UST: variants seen among roughly 807,000 people sequenced by gnomAD.
The protein encoded by UST is uronyl 2-sulfotransferase, also known as chondroitin sulfate 2-O-sulfotransferase.
In UST, 21 loss-of-function variants were observed where a neutral mutation model predicts 45.6. That is an observed-to-expected ratio of 0.46 (90% confidence interval 0.33 to 0.66). The LOEUF (loss-of-function observed/expected upper bound fraction) is 0.66. Ranked by LOEUF, UST falls within the 30% of genes least tolerant of loss-of-function variation. The pLI is 0.02. For synonymous variants in UST, 215 were observed against 200.6 expected, an observed-to-expected ratio of 1.07 and a Z score of -0.61; for missense variants, 463 against 512.4, an observed-to-expected ratio of 0.90 and a Z score of 0.93.
In UST at chr6:148,882,295, G is replaced by A. The variant is rs538422873; in HGVS notation, c.248-4691G>A. On this transcript the variant is annotated intron_variant, in intron 1 of 7. Coordinates refer to ENST00000367463, the MANE Select transcript of UST (RefSeq NM_005715.3). The stretch of plus-strand genomic sequence containing the variant: ...GAGGTCAGGAGTTTGAGACCAGCCT[G>A]GCCAACATGGTGAAACCCCATCACT... Among the ~76,000 whole-genome samples the A allele has an allele frequency of 2.0e-4, 31 of 152,154 alleles. No individual in the cohort carries two copies. In the South Asian group the frequency reaches 2.3e-3, roughly 11 times the overall value.
chr6:149,045,796 G>A (rs1776386846), intron 7 of UST, among the ~76,000 whole-genome samples: 2 of 152,096 alleles, frequency 1.3e-5, no homozygotes, highest in South Asian at 4.1e-4. Flanking sequence ...ATCTATGTAG[G>A]ATTTTGTGTT....
In UST at chr6:149,043,023, T is replaced by C. The variant is rs576309449; in HGVS notation, c.937+21542T>C. Among the ~76,000 whole-genome samples, 768 of 108,266 alleles carry C rather than the reference T, an allele frequency of 7.1e-3. 1 individual carries two copies. The highest frequency in any genetic ancestry group is 0.031 in the African/African-American group (619 of 20,216). 71.0% of individuals were successfully genotyped at this position (108,266 alleles called of 152,430 possible). A position where few individuals can be genotyped will look rare whatever the true frequency, so the allele number is the denominator to read the frequency against. On this transcript the variant is annotated intron_variant, in intron 7 of 7. Transcript: ENST00000367463. ...TCTTTCTTTCTTTCTTTCTTTCTTT[T>C]TCTTTCTTTCTTTCTTTCTTTCCTT...
chr6:149,002,322 A>G (rs1331481003), intron 5 of UST, among the ~76,000 whole-genome samples: 2 of 152,188 alleles, frequency 1.3e-5, no homozygotes, highest in Non-Finnish European at 2.9e-5. Context: ...TGTAAGGTGC[A>G]GAAATTAAGT....
chr6:149,038,642 T>G (rs545417679), intron 7 of UST, among the ~76,000 whole-genome samples: 1 of 152,332 alleles, frequency 6.6e-6, no homozygotes, highest in South Asian at 2.1e-4. Context: ...CTAATGCAGT[T>G]AGAAGTCCTC....
intron 2 of UST, among the ~76,000 whole-genome samples, chr6:148,887,969 T>A (rs1380916013): frequency 6.6e-6 from 1 of 152,228 alleles, no homozygotes; most frequent in Non-Finnish European, 1.5e-5. Context: ...GAGAAGATAA[T>A]GAACCCCCAA....
At chr6:148,878,318 GC>G in intron 1 of UST, among the ~76,000 whole-genome samples, 1 of 81,116 alleles carries the variant, frequency 1.2e-5, no homozygotes, top group Non-Finnish European at 2.4e-5. Flanking sequence ...ATGTATGAGT[GC>G]GGGGATCGTG....
At chr6:148,938,348 T>C (rs1233477214) in intron 2 of UST, among the ~76,000 whole-genome samples, 1 of 152,098 alleles carries the variant, frequency 6.6e-6, no homozygotes, top group Non-Finnish European at 1.5e-5. Flanking sequence ...AAGAAAAAAA[T>C]ACATAATGGA....
At chr6:148,888,111 C>T (rs1177007358) in intron 2 of UST, among the ~76,000 whole-genome samples, 2 of 152,166 alleles carry the variant, frequency 1.3e-5, no homozygotes, top group Non-Finnish European at 2.9e-5. Context: ...ATCTACTCAG[C>T]TTCTGGGGAG....
chr6:149,011,866 A>G (rs1255374616), intron 5 of UST, among the ~76,000 whole-genome samples: 1 of 152,098 alleles, frequency 6.6e-6, no homozygotes, highest in African/African-American at 2.4e-5. Flanking sequence ...ATAATTTTAA[A>G]GCCAGTTTGT....
At chr6:149,061,222 G>T (rs936186292) in intron 7 of UST, among the ~76,000 whole-genome samples, 2 of 152,178 alleles carry the variant, frequency 1.3e-5, no homozygotes, top group African/African-American at 4.8e-5. Flanking sequence ...CAGAGCCAGG[G>T]CTACATCGTT....
chr6:149,057,767 A>G (rs941587020), intron 7 of UST, among the ~76,000 whole-genome samples: 3 of 152,254 alleles, frequency 2.0e-5, no homozygotes, highest in African/African-American at 7.2e-5. Context: ...TAAAGATGAT[A>G]AAACTAAATA....
At chr6:148,868,093 C>T (rs1029772097) in intron 1 of UST, among the ~76,000 whole-genome samples, 6 of 152,182 alleles carry the variant, frequency 3.9e-5, no homozygotes, top group African/African-American at 1.4e-4. Context: ...TCTGAGGCCC[C>T]ACTCCATGTC....
intron 1 of UST, among the ~76,000 whole-genome samples, chr6:148,754,162 T>C (rs1776046470): frequency 6.6e-6 from 1 of 151,864 alleles, no homozygotes; most frequent in African/African-American, 2.4e-5. Flanking sequence ...GCCTGGCTAA[T>C]TTTTTTGTAT....
intron 7 of UST, among the ~76,000 whole-genome samples, chr6:149,068,398 TGTGAGG>T (rs1435810055): frequency 6.6e-6 from 1 of 152,148 alleles, no homozygotes; most frequent in Non-Finnish European, 1.5e-5. Flanking sequence ...AAGGGGTTAT[TGTGAGG>T]ATTAAGTATG....
chr6:148,928,407 T>A (rs557276342), intron 2 of UST, among the ~76,000 whole-genome samples: 1 of 152,248 alleles, frequency 6.6e-6, no homozygotes, highest in East Asian at 1.9e-4. Flanking sequence ...TTCTATCAGA[T>A]CACAAAATCC....
intron 7 of UST, among the ~76,000 whole-genome samples, chr6:149,063,576 C>G (rs1456547455): frequency 6.6e-6 from 1 of 152,188 alleles, no homozygotes. Context: ...TAGACTGCTT[C>G]TCGCTAAGGA....
chr6:149,024,644 A>G (rs976018013), intron 7 of UST, among the ~76,000 whole-genome samples: 3 of 152,180 alleles, frequency 2.0e-5, no homozygotes, highest in Admixed American at 6.5e-5. Flanking sequence ...AGTTGGTGTC[A>G]AGTAGGTTAA....
rs933447162 is a variant in UST, at chr6:148,975,648, C to T, written c.681+11085C>T. Among the ~76,000 whole-genome samples the T allele has an allele frequency of 3.3e-5, 5 of 152,018 alleles. No individual in the cohort carries two copies. In the East Asian group the frequency reaches 9.6e-4, roughly 29 times the overall value. On this transcript the variant is annotated intron_variant, in intron 5 of 7. Transcript: ENST00000367463. ...AGCCTCACAACTGCATGTGAATTTA[C>T]AGTTATCTCAATAAAATTTCAGTTA...
intron 1 of UST, among the ~76,000 whole-genome samples, chr6:148,830,636 G>T (rs1777665388): frequency 6.6e-6 from 1 of 152,184 alleles, no homozygotes; most frequent in Non-Finnish European, 1.5e-5. Context: ...ATTACTTGGG[G>T]ACTGTCAAGT....
Sources: gnomAD v4.1 joint callset for allele counts (sites outside exome capture counted in the v4.1 genomes callset) on GRCh38, gnomAD v4.1.1 for gene constraint, MANE v1.5 for transcripts, NCBI Gene and HGNC (gene_info 2026-07-23, HGNC 2026-07-21) for gene names.